Variants in ADGRL3 observed in about 807,000 individuals in gnomAD.
ADGRL3 encodes the protein calcium-independent alpha-latrotoxin receptor 3.
ADGRL3 carries 62 observed loss-of-function variants against 153.5 expected under a neutral mutation model. The ratio of observed to expected loss-of-function variants is 0.40; its 90% CI spans 0.33 to 0.50. ADGRL3 has a LOEUF of 0.50. Among genes scored for constraint, ADGRL3 ranks in the 20% least tolerant of loss-of-function variants. The pLI is 0.47. For missense variants in ADGRL3, 1,641 were observed against 1,859.4 expected (o/e 0.88, Z 2.16); for synonymous variants, 710 against 672.5 (o/e 1.06, Z -0.86).
chr4:61,524,745 T>A (rs1258652064), intron 4 of ADGRL3, among the ~76,000 whole-genome samples: 1 of 152,136 alleles, frequency 6.6e-6, no homozygotes, highest in African/African-American at 2.4e-5. Context: ...TCCCCACTGC[T>A]GTTTATCCCT....
intron 17 of ADGRL3, among the ~76,000 whole-genome samples, chr4:61,959,948 A>G (rs560163454): frequency 9.6e-4 from 146 of 152,286 alleles, no homozygotes; most frequent in Middle Eastern, 3.4e-3. Context: ...CTTTAGTATA[A>G]TACTTTAGTA....
At chr4:61,250,480 A>G (rs1362655047) in intron 1 of ADGRL3, among the ~76,000 whole-genome samples, 1 of 152,172 alleles carries the variant, frequency 6.6e-6, no homozygotes, top group South Asian at 2.1e-4. Flanking sequence ...CCTGGATAGT[A>G]AGGGCCTGAT....
At chr4:61,321,197 G>C (rs1397629814) in intron 1 of ADGRL3, among the ~76,000 whole-genome samples, 3 of 152,030 alleles carry the variant, frequency 2.0e-5, no homozygotes, top group Non-Finnish European at 2.9e-5. Flanking sequence ...TTAGGGCATG[G>C]GCATCTTTGG....
At chr4:61,296,021 A>G (rs917626164) in intron 1 of ADGRL3, among the ~76,000 whole-genome samples, 7 of 152,122 alleles carry the variant, frequency 4.6e-5, no homozygotes, top group African/African-American at 1.7e-4. Flanking sequence ...ACCTTTTAGT[A>G]TATGTTATGT....
chr4:61,441,278 A>G (rs180945783), intron 2 of ADGRL3, among the ~76,000 whole-genome samples: 1 of 152,240 alleles, frequency 6.6e-6, no homozygotes, highest in East Asian at 1.9e-4. Context: ...TTTTCCCCTT[A>G]ATTATTCAAA....
Position 61,948,101 on chromosome 4 carries a change from A to C in ADGRL3, c.2630A>C (p.Gln877Pro), listed in dbSNP as rs1349812332. Residue 877 changes from glutamine to proline, a missense_variant and splice_region_variant, in exon 17 of 27, where the codon CAG becomes CCG. Gln to Pro is a moderately conservative substitution (Grantham distance 76). Coordinates refer to ENST00000683033, the MANE Select transcript of ADGRL3 (RefSeq NM_001387552.1). ...TTATGGATTTTTTTTCCCCTGTAGCAGTCAGAGGAAAATTTCAACCCTAAC... is the reference window on the plus strand; with the variant it reads ...TTATGGATTTTTTTTCCCCTGTAGCCGTCAGAGGAAAATTTCAACCCTAAC... ...PVVFTVKHIK[Q>P]SEENFNPNCS... 2.5e-6 allele frequency: 4 copies of C among 1,609,648 alleles called. No homozygotes were observed. The South Asian group carries it at 4.4e-5, about 18-fold the overall frequency.
At chr4:61,589,105 A>C (rs568376938) in intron 5 of ADGRL3, among the ~76,000 whole-genome samples, 9 of 152,192 alleles carry the variant, frequency 5.9e-5, no homozygotes, top group African/African-American at 2.2e-4. Context: ...GAGTCACTGA[A>C]CTATATGGGA....
At chr4:61,836,436 TA>T (rs2097936620) in intron 9 of ADGRL3, among the ~76,000 whole-genome samples, 1 of 152,142 alleles carries the variant, frequency 6.6e-6, no homozygotes, top group Admixed American at 6.6e-5. Flanking sequence ...ATCCACTGGA[TA>T]TTTTTTTTCT....
chr4:61,772,179 A>G (rs985980555), intron 8 of ADGRL3, among the ~76,000 whole-genome samples: 1 of 152,240 alleles, frequency 6.6e-6, no homozygotes, highest in South Asian at 2.1e-4. Flanking sequence ...ATTCAAAGGA[A>G]TAATTCTTAC....
intron 4 of ADGRL3, among the ~76,000 whole-genome samples, chr4:61,576,202 G>T (rs2098879309): frequency 6.6e-6 from 1 of 151,932 alleles, no homozygotes; most frequent in Non-Finnish European, 1.5e-5. Context: ...TGATGGTTTT[G>T]CTGCAAAGCT....
At chr4:61,650,188 T>C (rs2094193968) in intron 5 of ADGRL3, among the ~76,000 whole-genome samples, 1 of 152,200 alleles carries the variant, frequency 6.6e-6, no homozygotes, top group African/African-American at 2.4e-5. Flanking sequence ...TATAAGGATG[T>C]ATACTGTAAA....
intron 2 of ADGRL3, among the ~76,000 whole-genome samples, chr4:61,402,849 A>G (rs1391584817): frequency 1.3e-5 from 2 of 152,162 alleles, no homozygotes; most frequent in Admixed American, 6.6e-5. Context: ...TCATTTAACA[A>G]ATCTTTTTAG....
chr4:62,033,244 G>A (rs1442437425), intron 23 of ADGRL3, among the ~76,000 whole-genome samples: 1 of 151,432 alleles, frequency 6.6e-6, no homozygotes, highest in Non-Finnish European at 1.5e-5. Context: ...TGGTTCACAT[G>A]GCTTCTACTC....
chr4:62,051,718 G>GT lies in ADGRL3; in HGVS notation c.3814+7175dup, dbSNP rs1267046967. Among the ~76,000 whole-genome samples, 4 of 151,588 alleles carry GT rather than the reference G, an allele frequency of 2.6e-5. No individual in the cohort carries two copies. In the East Asian group the frequency reaches 7.7e-4, roughly 29 times the overall value. On this transcript the variant is annotated intron_variant, in intron 25 of 26. Coordinates refer to ENST00000683033, the MANE Select transcript of ADGRL3 (RefSeq NM_001387552.1). ...TAAAAATTGTATTTAATTTCCTCAC[G>GT]TTTTTTGATTTATTACGTTATTACC...
chr4:61,530,529 G>A (rs1307354417), intron 4 of ADGRL3, among the ~76,000 whole-genome samples: 1 of 152,148 alleles, frequency 6.6e-6, no homozygotes, highest in African/African-American at 2.4e-5. Flanking sequence ...ACTGTGTGGA[G>A]AAAGATTTTT....
At chr4:61,919,714 A>G (rs1342166822) in intron 13 of ADGRL3, among the ~76,000 whole-genome samples, 1 of 152,220 alleles carries the variant, frequency 6.6e-6, no homozygotes, top group Admixed American at 6.5e-5. Context: ...AAAACTTCCA[A>G]AGGACAATGA....
intron 1 of ADGRL3, among the ~76,000 whole-genome samples, chr4:61,325,318 C>G (rs1045989641): frequency 5.0e-4 from 76 of 151,912 alleles, no homozygotes; most frequent in African/African-American, 1.7e-3. Context: ...TTCAAAAAAA[C>G]AAAAACAAAA....
At chr4:61,526,766 A>T (rs1446420211) in intron 4 of ADGRL3, among the ~76,000 whole-genome samples, 2 of 152,094 alleles carry the variant, frequency 1.3e-5, no homozygotes, top group African/African-American at 4.8e-5. Context: ...CCTACCTCAA[A>T]AAATAAATAA....
chr4:61,673,875 G>A (rs1029126723), intron 5 of ADGRL3, among the ~76,000 whole-genome samples: 14 of 150,860 alleles, frequency 9.3e-5, no homozygotes, highest in African/African-American at 3.4e-4. Flanking sequence ...ATAAATTACT[G>A]CTGTTTTATA....
Sources: allele counts gnomAD v4.1 joint callset (sites outside exome capture counted in the v4.1 genomes callset), GRCh38; gene constraint gnomAD v4.1.1; transcripts MANE v1.5; gene names NCBI Gene and HGNC (gene_info 2026-07-23, HGNC 2026-07-21).